UNC45A: variants seen among roughly 807,000 people sequenced by gnomAD.
UNC45A encodes protein unc-45 homolog A.
Under a neutral mutation model 103.2 loss-of-function variants are expected in UNC45A, and 78 were observed. The observed-to-expected ratio is 0.76, with a 90% CI of 0.63 to 0.91. The LOEUF (loss-of-function observed/expected upper bound fraction) is 0.91. Ranked by LOEUF, UNC45A falls within the 40% of genes least tolerant of loss-of-function variation. UNC45A has a pLI of 0.00. For synonymous variants in UNC45A, 495 were observed against 504.6 expected, an observed-to-expected ratio of 0.98 and a Z score of 0.25; for missense variants, 1,193 against 1,224.8, an observed-to-expected ratio of 0.97 and a Z score of 0.39.
In UNC45A at chr15:90,953,795, C is replaced by G. The variant is rs2037070427; in HGVS notation, c.*79C>G. 2 of 1,528,658 alleles carry G rather than the reference C, an allele frequency of 1.3e-6. No homozygotes were observed. Among genetic ancestry groups the G allele is most frequent in the African/African-American group, 1.4e-5 (1 of 73,114 alleles). 94.7% of individuals were successfully genotyped at this position (1,528,658 alleles called of 1,614,324 possible). A position where few individuals can be genotyped will look rare whatever the true frequency, so the allele number is the denominator to read the frequency against. On this transcript the variant is annotated 3_prime_UTR_variant, in exon 20 of 20. Coordinates refer to ENST00000418476, the MANE Select transcript of UNC45A (RefSeq NM_018671.5). The stretch of plus-strand genomic sequence containing the variant: ...AGAGTAAGGACGGAAGCAGCTTTGG[C>G]TGGTGGTGGCTGGCATGCCCAATAC...
At chr15:90,935,738 C>T in intron 2 of UNC45A, 33 bp downstream of exon 2, 3 of 1,532,674 alleles carry the variant, frequency 2.0e-6, no homozygotes, top group Middle Eastern at 2.2e-4. Context: ...CCCTCGCCCG[C>T]CCGGGCCCCG....
rs560466638 is a variant in UNC45A at position 90,945,413 on chromosome 15, G to A, written c.1199+350G>A. Among the ~76,000 whole-genome samples, 20 of 151,630 alleles carry A rather than the reference G, an allele frequency of 1.3e-4. 1 individual carries two copies. Among genetic ancestry groups the A allele is most frequent in the African/African-American group, 4.6e-4 (19 of 41,306 alleles). On this transcript the variant is annotated intron_variant, in intron 9 of 19. Coordinates refer to ENST00000418476, the MANE Select transcript of UNC45A (RefSeq NM_018671.5). ...TTTCACTCTTGTTGCTCAGGCTGGA[G>A]TGCAATGGCATGATCTCAGGTCACC...
Position 90,949,639 on chromosome 15 carries a change from G to T in UNC45A, c.2007-15G>T. 1 of 1,613,872 alleles carries T rather than the reference G, an allele frequency of 6.2e-7. No individual in the cohort carries two copies. Among genetic ancestry groups the T allele is most frequent in the Non-Finnish European group, 8.5e-7 (1 of 1,179,910 alleles). Reference sequence around the variant, plus strand: ...GTCCCAGAGCTGCCTGCCCACCACCGCCTTCTCCCCACAGGGTCTTCTTGG... The same window carrying T: ...GTCCCAGAGCTGCCTGCCCACCACCTCCTTCTCCCCACAGGGTCTTCTTGG... On this transcript the variant is annotated splice_polypyrimidine_tract_variant and intron_variant, in intron 14 of 19. Coordinates refer to ENST00000418476, the MANE Select transcript of UNC45A (RefSeq NM_018671.5).
rs1216030980 is a variant in UNC45A, at chr15:90,935,714, G to C, written c.213+9G>C. On this transcript the variant is annotated intron_variant, in intron 2 of 19. Coordinates refer to ENST00000418476, the MANE Select transcript of UNC45A (RefSeq NM_018671.5). ...CCTGCCACCTCAAGCTGGTGAGGGAGCCTGGCGCTCTTCCCCTCGCCCGCC... is the reference window on the plus strand; with the variant it reads ...CCTGCCACCTCAAGCTGGTGAGGGACCCTGGCGCTCTTCCCCTCGCCCGCC... 6.5e-7 allele frequency: 1 copy of C among 1,549,062 alleles called. No individual in the cohort carries two copies. The highest frequency in any genetic ancestry group is 1.2e-5 in the South Asian group (1 of 81,082).
chr15:90,949,901 C>T (rs2036798613), intron 15 of UNC45A, 181 bp downstream of exon 15: 4 of 710,776 alleles, frequency 5.6e-6, no homozygotes. Flanking sequence ...CCCCTCCACA[C>T]TGGTGCCTGT....
At position 90,946,835 on chromosome 15, in the gene UNC45A, T is replaced by C; in HGVS notation, c.1421T>C (p.Ile474Thr). 6.2e-7 allele frequency: 1 copy of C among 1,613,556 alleles called. No homozygotes were observed. The highest frequency in any genetic ancestry group is 1.3e-5 in the African/African-American group (1 of 75,030). ...AAGKAKRASF[I>T]TANGVSLLKD... ...GGCAAGGCTAAGCGGGCCTCATTCATCACTGCCAATGGTGTCTCGCTGCTG... is the reference window on the plus strand; with the variant it reads ...GGCAAGGCTAAGCGGGCCTCATTCACCACTGCCAATGGTGTCTCGCTGCTG... Residue 474 changes from isoleucine to threonine, a missense_variant, in exon 10 of 20, where the codon ATC (isoleucine) becomes ACC (threonine). Coordinates refer to ENST00000418476, the MANE Select transcript of UNC45A (RefSeq NM_018671.5).
Position 90,946,901 on chromosome 15 carries a change from T to A in UNC45A, c.1487T>A (p.Ile496Asn). 8.2e-7 allele frequency: 1 copy of A among 1,217,712 alleles called. No homozygotes were observed. The highest frequency in any genetic ancestry group is 1.1e-6 in the Non-Finnish European group (1 of 882,540). 75.4% of individuals were successfully genotyped at this position (1,217,712 alleles called of 1,614,324 possible). Residue 496 changes from isoleucine (I) to asparagine (N), a missense_variant, in exon 10 of 20, where the codon ATC becomes AAC. Coordinates refer to ENST00000418476, the MANE Select transcript of UNC45A (RefSeq NM_018671.5). ...TGCAGCGAGAAGGACAGCATCCGCA[T>A]CCGGGCGCTAGTGGTGAGACGGTGG... ...YKCSEKDSIR[I>N]RALVGLCKLG...
At chr15:90,931,195 G>C, upstream of UNC45A, 1 of 1,493,590 alleles carries the variant, frequency 6.7e-7, no homozygotes, top group Non-Finnish European at 9.1e-7. Context: ...GAGCTCAGGA[G>C]ACACAGAAAA....
At chr15:90,931,880 A>G (rs2035807260), upstream of UNC45A, 1 of 1,613,850 alleles carries the variant, frequency 6.2e-7, no homozygotes, top group Admixed American at 1.7e-5. Context: ...TTGTGCCCCA[A>G]AGTGTAGCTC....
chr15:90,938,058 A>G (rs747837417), intron 4 of UNC45A, among the ~76,000 whole-genome samples: 41 of 152,134 alleles, frequency 2.7e-4, no homozygotes, highest in Non-Finnish European at 5.3e-4. Flanking sequence ...CAGCCTCCCA[A>G]CTGGCTGGGA....
At chr15:90,931,106 G>T, upstream of UNC45A, 1 of 738,038 alleles carries the variant, frequency 1.4e-6, no homozygotes, top group Non-Finnish European at 2.2e-6. Flanking sequence ...GCGGGGCTCA[G>T]CTTAGTTAGC....
intron 8 of UNC45A, among the ~76,000 whole-genome samples, chr15:90,943,628 GCA>G (rs2036406797): frequency 6.6e-6 from 1 of 151,774 alleles, no homozygotes; most frequent in Non-Finnish European, 1.5e-5. Context: ...ATATGCGTGT[GCA>G]CATACATGCA....
At chr15:90,949,137 A>C (rs898048373) in intron 13 of UNC45A, among the ~76,000 whole-genome samples, 179 bp from the exon 14 acceptor site, 6 of 151,998 alleles carry the variant, frequency 3.9e-5, no homozygotes, top group Non-Finnish European at 8.8e-5. Flanking sequence ...CAGCCTCCCA[A>C]AGTGCTGGGA....
chr15:90,937,441 A>AT (rs2036075692), intron 4 of UNC45A, among the ~76,000 whole-genome samples: 1 of 151,920 alleles, frequency 6.6e-6, no homozygotes, highest in African/African-American at 2.4e-5. Context: ...ACAATGCTAT[A>AT]TTTTTTCTGT....
Position 90,949,429 on chromosome 15 carries a change from A to G in UNC45A, c.1992A>G (p.Arg664=). The G allele has an allele frequency of 6.2e-7, 1 of 1,613,698 alleles. No homozygotes were observed. The highest frequency in any genetic ancestry group is 8.5e-7 in the Non-Finnish European group (1 of 1,179,928). Residue 664 remains arginine (R), a synonymous_variant, in exon 14 of 20, where the codon AGA becomes AGG. Coordinates refer to ENST00000418476, the MANE Select transcript of UNC45A (RefSeq NM_018671.5). ...TESPVLTSSC[R]ELLSRVFLAL... ...GCCCTGTGCTGACCAGTTCCTGCAGAGAGCTGCTCTCCAGGTGAGCCAGCC... is the reference window on the plus strand; with the variant it reads ...GCCCTGTGCTGACCAGTTCCTGCAGGGAGCTGCTCTCCAGGTGAGCCAGCC...
upstream of UNC45A, chr15:90,932,001 A>G: frequency 6.2e-7 from 1 of 1,613,914 alleles, no homozygotes; most frequent in Non-Finnish European, 8.5e-7. Flanking sequence ...CCCATTGCTG[A>G]ATGGGGCCCC....
In UNC45A at chr15:90,953,187, C is replaced by A. The variant is rs757271469; in HGVS notation, c.2454C>A (p.Asp818Glu). Residue 818 changes from aspartate to glutamate, a missense_variant, in exon 19 of 20, where the codon GAC (aspartate) becomes GAA (glutamate). Physicochemically the swap from Asp to Glu is conservative, Grantham distance 45 (BLOSUM62 2). Transcript: ENST00000418476. ...VQDLFEAQGNDRLKLLVLYSG... is the reference protein window; with the variant it reads ...VQDLFEAQGNERLKLLVLYSG... The stretch of plus-strand genomic sequence containing the variant: ...ACCTCTTCGAAGCCCAGGGCAATGA[C>A]CGACTGAAGCTGCTGGTGCTGTACA... 6.2e-7 allele frequency: 1 copy of A among 1,613,800 alleles called. No homozygotes were observed. The highest frequency in any genetic ancestry group is 8.5e-7 in the Non-Finnish European group (1 of 1,179,944).
chr15:90,935,728 C>T (rs1361133647), intron 2 of UNC45A, 23 bp downstream of exon 2: 8 of 1,537,720 alleles, frequency 5.2e-6, no homozygotes, highest in Non-Finnish European at 7.0e-6. Context: ...GGCGCTCTTC[C>T]CCTCGCCCGC....
chr15:90,951,408 C>T (rs913594152), intron 17 of UNC45A, among the ~76,000 whole-genome samples: 3 of 152,148 alleles, frequency 2.0e-5, no homozygotes, highest in African/African-American at 2.4e-5. Flanking sequence ...CACACTTGCA[C>T]CTTTAGTATA....
Sources: gnomAD v4.1 joint callset for allele counts (sites outside exome capture counted in the v4.1 genomes callset) on GRCh38, gnomAD v4.1.1 for gene constraint, MANE v1.5 for transcripts, NCBI Gene and HGNC (gene_info 2026-07-23, HGNC 2026-07-21) for gene names.